CYP4B1: variants seen among roughly 807,000 people sequenced by gnomAD.
CYP4B1 encodes cytochrome P450 family 4 subfamily B member 1, also known as cytochrome P450 4B1.
CYP4B1 carries 45 observed loss-of-function variants against 54.0 expected under a neutral mutation model. That is an observed-to-expected ratio of 0.83 (90% CI 0.66 to 1.07). The LOEUF is 1.07. Ranked by LOEUF, CYP4B1 falls within the 50% of genes least tolerant of loss-of-function variation. The pLI, the probability that CYP4B1 is intolerant of heterozygous loss-of-function variation, is 0.00. For synonymous variants in CYP4B1, 248 were observed against 247.5 expected, an observed-to-expected ratio of 1.00 and a Z score of -0.02; for missense variants, 656 against 655.4, an observed-to-expected ratio of 1.00 and a Z score of -0.01.
chr1:46,809,409 T>C (rs1439484840), intron 1 of CYP4B1, among the ~76,000 whole-genome samples: 1 of 152,210 alleles, frequency 6.6e-6, no homozygotes, highest in East Asian at 1.9e-4. Flanking sequence ...CCTAATTTGT[T>C]TGGATACTAT....
Position 46,817,222 on chromosome 1 carries a change from A to G in CYP4B1, c.1207+41A>G, listed in dbSNP as rs1279248300. ...TTGGGGGTGGAAAAGGAGTCCCTGC[A>G]TGCTCCTCTGGCACCCTCTGTGCCT... On this transcript the variant is annotated intron_variant, in intron 9 of 11. Transcript: ENST00000371923. 4 of 1,612,558 alleles carry G rather than the reference A, an allele frequency of 2.5e-6. No homozygotes were observed. The African/African-American group carries it at 4.0e-5, about 16-fold the overall frequency.
chr1:46,805,799 A>G (rs1363115643), intron 1 of CYP4B1, among the ~76,000 whole-genome samples: 2 of 152,132 alleles, frequency 1.3e-5, no homozygotes, highest in Admixed American at 6.6e-5. Context: ...GCTTTATTTA[A>G]AAGCTTGGCA....
At chr1:46,814,100 T>C in intron 6 of CYP4B1, 37 bp downstream of exon 6, 2 of 1,612,038 alleles carry the variant, frequency 1.2e-6, no homozygotes, top group Non-Finnish European at 1.7e-6. Flanking sequence ...CTAGGAAGCC[T>C]GGGTTCCTCC....
intron 4 of CYP4B1, 59 bp downstream of exon 4, chr1:46,812,682 C>T: frequency 6.3e-6 from 10 of 1,581,664 alleles, no homozygotes; most frequent in Non-Finnish European, 8.6e-6. Context: ...CCCCTCTCCA[C>T]CCTGATTTTG....
chr1:46,818,544 A>G (rs1178356971), intron 11 of CYP4B1, 87 bp from the exon 12 acceptor site: 1 of 1,360,706 alleles, frequency 7.3e-7, no homozygotes, highest in Admixed American at 1.7e-5. Flanking sequence ...AAAAACAGTT[A>G]TTGACTTTTG....
chr1:46,810,419 G>T (rs1254305096), intron 1 of CYP4B1, among the ~76,000 whole-genome samples: 1 of 152,202 alleles, frequency 6.6e-6, no homozygotes, highest in African/African-American at 2.4e-5. Context: ...CGATACGGCA[G>T]GGGTGGAATT....
intron 1 of CYP4B1, among the ~76,000 whole-genome samples, chr1:46,808,531 G>C (rs1678954040): frequency 6.6e-6 from 1 of 151,810 alleles, no homozygotes; most frequent in Non-Finnish European, 1.5e-5. Flanking sequence ...GTTCATTGTA[G>C]ATTCTGGATA....
rs553906256 is a variant in CYP4B1 at position 46,808,381 on chromosome 1, T to G, written c.181-2427T>G. Among the ~76,000 whole-genome samples the G allele has an allele frequency of 4.6e-5, 7 of 152,158 alleles. No homozygotes were observed. The South Asian group carries it at 1.5e-3, about 32-fold the overall frequency. On this transcript the variant is annotated intron_variant, in intron 1 of 11. Transcript: ENST00000371923. ...ATCTCATTGTGGTTTTGATTTGCAT[T>G]TCTCTGATGGCCAGTGATGATGAGC...
intron 1 of CYP4B1, among the ~76,000 whole-genome samples, chr1:46,810,073 C>T (rs891839911): frequency 5.3e-5 from 8 of 152,152 alleles, no homozygotes; most frequent in Middle Eastern, 3.2e-3. Context: ...CAACCCAGCG[C>T]GTTTGTGCTT....
intron 9 of CYP4B1, among the ~76,000 whole-genome samples, 165 bp from the exon 10 acceptor site, chr1:46,817,800 A>G (rs1486399507): frequency 1.3e-5 from 2 of 152,152 alleles, no homozygotes; most frequent in African/African-American, 4.8e-5. Context: ...ATGATGATCA[A>G]AGTACTGTGA....
chr1:46,810,986 G>A, intron 2 of CYP4B1, 37 bp downstream of exon 2: 1 of 1,611,972 alleles, frequency 6.2e-7, no homozygotes, highest in Non-Finnish European at 8.5e-7. Flanking sequence ...GAGAGGGTGG[G>A]GCTTCCTGAG....
At chr1:46,812,205 G>A (rs916128473) in intron 3 of CYP4B1, 1 of 558,968 alleles carries the variant, frequency 1.8e-6, no homozygotes, top group Admixed American at 2.2e-5. Flanking sequence ...TCTCACATCT[G>A]GCAATGTCAT....
chr1:46,809,477 C>T (rs2148402865), intron 1 of CYP4B1, among the ~76,000 whole-genome samples: 1 of 152,350 alleles, frequency 6.6e-6, no homozygotes, highest in Middle Eastern at 3.4e-3. Flanking sequence ...GCAGGCCCAG[C>T]ACAGGCTCAG....
chr1:46,801,991 A>C (rs540548633), intron 1 of CYP4B1, among the ~76,000 whole-genome samples: 1 of 152,264 alleles, frequency 6.6e-6, no homozygotes, highest in Admixed American at 6.5e-5. Context: ...TACAGTCTGG[A>C]GGCCTTGGTA....
At chr1:46,800,222 T>A (rs1237857229) in intron 1 of CYP4B1, among the ~76,000 whole-genome samples, 1 of 11,262 alleles carries the variant, frequency 8.9e-5, no homozygotes, top group Non-Finnish European at 3.9e-4. Flanking sequence ...TTTCTCTTTC[T>A]CTCTTTCTTT....
chr1:46,815,228 T>C lies in CYP4B1; in HGVS notation c.1037T>C (p.Val346Ala), dbSNP rs1679290600. Residue 346 changes from valine to alanine, a missense_variant, in exon 8 of 12, where the codon GTC becomes GCC. Coordinates refer to ENST00000371923, the MANE Select transcript of CYP4B1 (RefSeq NM_001099772.2). ...PEHQHRCREE[V>A]REILGDQDFF... ...CACCAGCATCGTTGTAGAGAGGAGG[T>C]CCGCGAGATCCTAGGGGACCAGGAC... 1.4e-5 allele frequency: 22 copies of C among 1,586,294 alleles called. No individual in the cohort carries two copies. Among genetic ancestry groups the C allele is most frequent in the Non-Finnish European group, 1.9e-5 (22 of 1,164,184 alleles).
intron 4 of CYP4B1, among the ~76,000 whole-genome samples, chr1:46,812,992 T>C (rs1679173533): frequency 6.6e-6 from 1 of 152,164 alleles, no homozygotes; most frequent in Non-Finnish European, 1.5e-5. Flanking sequence ...ATCTAAAACG[T>C]GTCTCCTCAT....
In CYP4B1 at chr1:46,815,116, G is replaced by T. The variant is rs201173499; in HGVS notation, c.925G>T (p.Glu309Ter). Residue 309 changes from glutamate (E) to a stop codon, truncating the protein, a stop_gained, in exon 8 of 12, where the codon GAA (glutamate) becomes TAA (stop). Transcript: ENST00000371923. LOFTEE classifies it high-confidence loss of function. ...ACTGTCAGATGCAGACCTCCGGGCT[G>T]AAGTGGACACATTCATGTTTGAAGG... The part of the protein sequence containing the change: ...IKLSDADLRA[E>*]VDTFMFEGHD... 6.2e-7 allele frequency: 1 copy of T among 1,614,220 alleles called. No homozygotes were observed. The highest frequency in any genetic ancestry group is 1.1e-5 in the South Asian group (1 of 91,088).
rs1679434539 is a variant in CYP4B1 at position 46,818,661 on chromosome 1, T to C, written c.1386T>C (p.Ser462=). 1.9e-6 allele frequency: 3 copies of C among 1,613,850 alleles called. No homozygotes were observed. In the African/African-American group the frequency reaches 4.0e-5, roughly 22 times the overall value. ...RNCIGQQFAM[S]EMKVVTAMCL... ...GCATTGGGCAGCAGTTTGCCATGAG[T>C]GAGATGAAGGTGGTCACAGCCATGT... Residue 462 remains serine, a synonymous_variant, in exon 12 of 12, where the codon AGT becomes AGC. Coordinates refer to ENST00000371923, the MANE Select transcript of CYP4B1 (RefSeq NM_001099772.2).
Sources: allele counts gnomAD v4.1 joint callset (sites outside exome capture counted in the v4.1 genomes callset), GRCh38; gene constraint gnomAD v4.1.1; transcripts MANE v1.5; gene names NCBI Gene and HGNC (gene_info 2026-07-23, HGNC 2026-07-21).